Variants in MEGF11 observed in about 807,000 individuals in gnomAD.
The protein encoded by MEGF11 is multiple EGF like domains 11, also known as multiple epidermal growth factor-like domains protein 11.
MEGF11 carries 126 observed loss-of-function variants against 146.6 expected under a neutral mutation model. The observed-to-expected ratio is 0.86, with a 90% CI of 0.74 to 1.00. MEGF11 has a LOEUF of 1.00. MEGF11 is among the 50% of genes least tolerant of loss of function. MEGF11 has a pLI of 0.00. For missense variants in MEGF11, 1,509 were observed against 1,521.2 expected (o/e 0.99, Z 0.13); for synonymous variants, 532 against 583.4 (o/e 0.91, Z 1.27).
intron 10 of MEGF11, among the ~76,000 whole-genome samples, chr15:65,933,572 G>A (rs761667678): frequency 6.6e-6 from 1 of 152,212 alleles, no homozygotes; most frequent in East Asian, 1.9e-4. Flanking sequence ...CCTATGCCTG[G>A]TCTTTGCGAC....
At chr15:66,005,295 T>C (rs1458858098) in intron 5 of MEGF11, among the ~76,000 whole-genome samples, 2 of 152,182 alleles carry the variant, frequency 1.3e-5, no homozygotes, top group African/African-American at 4.8e-5. Flanking sequence ...AGAATTGAGT[T>C]CAGGTTCAGT....
chr15:65,956,593 C>T (rs552115319), intron 10 of MEGF11, among the ~76,000 whole-genome samples: 17 of 152,336 alleles, frequency 1.1e-4, no homozygotes, highest in Admixed American at 9.8e-4. Flanking sequence ...GTACCACTTC[C>T]TACAGCACAA....
At chr15:66,094,949 C>G (rs777587339) in intron 4 of MEGF11, among the ~76,000 whole-genome samples, 22 of 152,198 alleles carry the variant, frequency 1.4e-4, no homozygotes, top group Admixed American at 2.6e-4. Flanking sequence ...TCCCTTCTCA[C>G]TTTTCCCCCC....
rs71139471 is a variant in MEGF11, at chr15:66,201,946, CAAAAAAAAAAAAAA to C, written c.-9+51645_-9+51658del. ...TGGGCGACAGAGCAAGACTCCATCT[CAAAAAAAAAAAAAA>C]AAAAAAAAAAAAAAACCTGCCTCCA... On this transcript the variant is annotated intron_variant, in intron 1 of 25. Coordinates refer to ENST00000395614, the MANE Select transcript of MEGF11 (RefSeq NM_001385028.1). Among the ~76,000 whole-genome samples, 5 of 31,800 alleles carry C rather than the reference CAAAAAAAAAAAAAA, an allele frequency of 1.6e-4. No individual in the cohort carries two copies. The East Asian group carries it at 3.4e-3, about 22-fold the overall frequency. 20.9% of individuals were successfully genotyped at this position (31,800 alleles called of 152,430 possible). A position where few individuals can be genotyped will look rare whatever the true frequency, so the allele number is the denominator to read the frequency against.
intron 1 of MEGF11, among the ~76,000 whole-genome samples, chr15:66,183,802 A>G (rs2090620645): frequency 6.6e-6 from 1 of 152,044 alleles, no homozygotes; most frequent in Non-Finnish European, 1.5e-5. Flanking sequence ...CCCTTCCAAC[A>G]AGCTCCCAGC....
intron 1 of MEGF11, among the ~76,000 whole-genome samples, chr15:66,184,025 G>T (rs1266103930): frequency 1.3e-5 from 2 of 152,090 alleles, no homozygotes; most frequent in Non-Finnish European, 2.9e-5. Flanking sequence ...TCTAGAAAAT[G>T]CATACTAATA....
At chr15:66,099,926 A>G (rs770931995) in intron 4 of MEGF11, among the ~76,000 whole-genome samples, 4 of 152,094 alleles carry the variant, frequency 2.6e-5, no homozygotes, top group Non-Finnish European at 4.4e-5. Flanking sequence ...CACAGTCCAG[A>G]GTCAACTCAC....
At chr15:66,094,286 T>G in intron 5 of MEGF11, 116 bp downstream of exon 5, 1 of 737,922 alleles carries the variant, frequency 1.4e-6, no homozygotes, top group Non-Finnish European at 2.2e-6. Context: ...CAGGCCCAGG[T>G]AGCCCACCCC....
At position 66,017,874 on chromosome 15, in the gene MEGF11, C is replaced by T. The variant is rs76759860; in HGVS notation, c.395-35386G>A. ...AGCACAGAAGGACTGGGGTGCTGAT[C>T]TAGCGGCTGCCAGGAAGACAGAGAG... is the stretch of plus-strand genomic sequence containing the variant. On this transcript the variant is annotated intron_variant, in intron 5 of 25. Coordinates refer to ENST00000395614, the MANE Select transcript of MEGF11 (RefSeq NM_001385028.1). 5.2e-3 allele frequency among the ~76,000 whole-genome samples: 797 copies of T among 152,330 alleles called. 2 individuals are homozygous for T. Among genetic ancestry groups the T allele is most frequent in the Non-Finnish European group, 8.0e-3 (546 of 68,032 alleles).
chr15:66,178,723 T>C (rs569084740), intron 1 of MEGF11, among the ~76,000 whole-genome samples: 4 of 151,976 alleles, frequency 2.6e-5, no homozygotes, highest in Admixed American at 6.6e-5. Flanking sequence ...CTCACCCGGG[T>C]CCTGGGTCCC....
chr15:66,077,984 C>T (rs953697978), intron 5 of MEGF11, among the ~76,000 whole-genome samples: 1 of 152,174 alleles, frequency 6.6e-6, no homozygotes, highest in Non-Finnish European at 1.5e-5. Flanking sequence ...AGAGCAGGGA[C>T]ACAGGTGTGG....
intron 1 of MEGF11, among the ~76,000 whole-genome samples, chr15:66,253,158 G>T (rs1451564579): frequency 6.6e-6 from 1 of 152,210 alleles, no homozygotes; most frequent in Admixed American, 6.5e-5. Context: ...CGACCCCGGC[G>T]GGGAAGGCGC....
chr15:66,044,503 G>C (rs1358623235), intron 5 of MEGF11, among the ~76,000 whole-genome samples: 3 of 152,112 alleles, frequency 2.0e-5, no homozygotes. Flanking sequence ...TAATTCTCAA[G>C]AGTAAACAGG....
chr15:65,909,258 C>A, intron 22 of MEGF11, 123 bp from the exon 23 acceptor site: 2 of 723,840 alleles, frequency 2.8e-6, no homozygotes, highest in Non-Finnish European at 2.4e-6. Context: ...GACTTGGGGG[C>A]CTCTGTGTAT....
At position 65,970,694 on chromosome 15, in the gene MEGF11, A is replaced by G; in HGVS notation, c.763-5T>C. On this transcript the variant is annotated splice_polypyrimidine_tract_variant and splice_region_variant and intron_variant, in intron 7 of 25. Transcript: ENST00000395614. ...GGGCTGGGCACACACTGCTCCCTAA[A>G]AGAAAGGTGGGAAGACATGCATGGC... is the stretch of plus-strand genomic sequence containing the variant. 1 of 1,607,932 alleles carries G rather than the reference A, an allele frequency of 6.2e-7. No homozygotes were observed. Among genetic ancestry groups the G allele is most frequent in the Non-Finnish European group, 8.5e-7 (1 of 1,177,072 alleles).
intron 5 of MEGF11, among the ~76,000 whole-genome samples, chr15:66,088,712 A>G (rs541711785): frequency 3.0e-4 from 45 of 152,296 alleles, no homozygotes; most frequent in African/African-American, 1.0e-3. Context: ...CCTTGAGGAC[A>G]TTATGCTAAG....
At chr15:66,020,634 G>A (rs1434479997) in intron 5 of MEGF11, among the ~76,000 whole-genome samples, 3 of 152,194 alleles carry the variant, frequency 2.0e-5, no homozygotes, top group Non-Finnish European at 2.9e-5. Context: ...GCATTAGGTT[G>A]AAAGAAATGG....
intron 5 of MEGF11, among the ~76,000 whole-genome samples, chr15:66,055,645 A>G (rs1029283084): frequency 6.6e-6 from 1 of 152,244 alleles, no homozygotes; most frequent in Non-Finnish European, 1.5e-5. Flanking sequence ...GACTCAACAC[A>G]GTTTTCACGT....
At position 65,909,786 on chromosome 15, in the gene MEGF11, G is replaced by C. The variant is rs1223833718; in HGVS notation, c.2850C>G (p.Asp950Glu). ...AGGGGGTCCAGCCTGCTGTGTCTCT[G>C]TCAAGGGACTTGTTACTGAGCTGTT... ...SPTKLSNKSL[D>E]RDTAGWTPYS... The change falls in exon 22 of 26, where the codon GAC (aspartate) becomes GAG (glutamate). Residue 950 changes from aspartate (D) to glutamate (E), a missense_variant. Asp to Glu is a conservative substitution (Grantham distance 45). Transcript: ENST00000395614. 3.8e-6 allele frequency: 6 copies of C among 1,583,292 alleles called. No homozygotes were observed. The highest frequency in any genetic ancestry group is 5.1e-6 in the Non-Finnish European group (6 of 1,172,418).
Sources: allele counts gnomAD v4.1 joint callset (sites outside exome capture counted in the v4.1 genomes callset), GRCh38; gene constraint gnomAD v4.1.1; transcripts MANE v1.5; gene names NCBI Gene and HGNC (gene_info 2026-07-23, HGNC 2026-07-21).